The following ZCCHC24 variants were observed in gnomAD, a reference collection of about 807,000 sequenced individuals.
ZCCHC24 encodes zinc finger CCHC-type containing 24, also known as zinc finger CCHC domain-containing protein 24.
ZCCHC24 carries 10 observed loss-of-function variants against 26.2 expected under a neutral mutation model. The ratio of observed to expected loss-of-function variants is 0.38; its 90% CI spans 0.24 to 0.65. The LOEUF is 0.65. Ranked by LOEUF, ZCCHC24 falls within the 30% of genes least tolerant of loss-of-function variation. The pLI is 0.54. For synonymous variants in ZCCHC24, 144 were observed against 147.1 expected (o/e 0.98, Z 0.15); for missense variants, 243 against 329.1 (o/e 0.74, Z 2.03).
rs923059430 is a variant in ZCCHC24 at position 79,386,238 on chromosome 10, G to A, written c.*107C>T. ...CCCCGGCCCAGCCCCGCAGGCCTGC[G>A]AGGGCACCCCATGCACAGGGCGACA... On this transcript the variant is annotated 3_prime_UTR_variant, in exon 4 of 4. Coordinates refer to ENST00000372336, the MANE Select transcript of ZCCHC24 (RefSeq NM_153367.4). 29 of 1,057,174 alleles carry A rather than the reference G, an allele frequency of 2.7e-5. No homozygotes were observed. Among genetic ancestry groups the A allele is most frequent in the East Asian group, 2.6e-4 (10 of 38,594 alleles). The allele number at this position is 1,057,174 out of a possible 1,614,324, so 65.5% of individuals were successfully genotyped here.
intron 2 of ZCCHC24, among the ~76,000 whole-genome samples, chr10:79,420,908 G>A (rs1239429307): frequency 6.6e-6 from 1 of 152,204 alleles, no homozygotes; most frequent in Admixed American, 6.5e-5. Context: ...AACATCCCAT[G>A]AAGTAGGATG....
intron 2 of ZCCHC24, among the ~76,000 whole-genome samples, chr10:79,408,086 C>T (rs1192277940): frequency 6.6e-6 from 1 of 152,194 alleles, no homozygotes; most frequent in East Asian, 1.9e-4. Flanking sequence ...CTCCTGCCCC[C>T]ACCTCCACCA....
chr10:79,424,031 A>AG (rs59782743), intron 2 of ZCCHC24, among the ~76,000 whole-genome samples: 18,392 of 149,252 alleles, frequency 0.12, 1,236 homozygotes, highest in East Asian at 0.16. Context: ...AAAAAAAAAA[A>AG]AAAAGAAAAG....
chr10:79,405,453 G>A (rs10740502), intron 2 of ZCCHC24, among the ~76,000 whole-genome samples: 77,148 of 151,786 alleles, frequency 0.51, 21,395 homozygotes, highest in East Asian at 0.85. Context: ...GGTGGAGGTC[G>A]CACAGGTAGG....
chr10:79,392,701 A>G (rs1311400513), intron 3 of ZCCHC24, among the ~76,000 whole-genome samples: 1 of 152,200 alleles, frequency 6.6e-6, no homozygotes, highest in African/African-American at 2.4e-5. Flanking sequence ...TTCCCTCTGC[A>G]GCCAGATCCA....
intron 1 of ZCCHC24, among the ~76,000 whole-genome samples, chr10:79,444,403 C>T (rs952173872): frequency 1.3e-5 from 2 of 152,196 alleles, no homozygotes; most frequent in Admixed American, 6.5e-5. Context: ...CTGAATCCAC[C>T]AAACAGGCAG....
intron 2 of ZCCHC24, among the ~76,000 whole-genome samples, chr10:79,432,179 C>T (rs942119038): frequency 2.0e-5 from 3 of 152,200 alleles, no homozygotes; most frequent in Admixed American, 6.5e-5. Flanking sequence ...ATTCCTTCCC[C>T]GTGAATGTGA....
chr10:79,433,194 G>A (rs1015945901), intron 1 of ZCCHC24, among the ~76,000 whole-genome samples: 3 of 152,198 alleles, frequency 2.0e-5, no homozygotes, highest in Non-Finnish European at 2.9e-5. Context: ...AACTGGTGGG[G>A]TGACTTTAGG....
At chr10:79,412,007 A>C (rs1856800571) in intron 2 of ZCCHC24, among the ~76,000 whole-genome samples, 1 of 152,182 alleles carries the variant, frequency 6.6e-6, no homozygotes, top group Non-Finnish European at 1.5e-5. Flanking sequence ...AGAAGGCCAG[A>C]ATCTCGCGAG....
intron 2 of ZCCHC24, among the ~76,000 whole-genome samples, chr10:79,432,222 C>T (rs1186471518): frequency 6.6e-6 from 1 of 152,242 alleles, no homozygotes; most frequent in Admixed American, 6.5e-5. Flanking sequence ...TGTGAGGAGA[C>T]TGCCCCCTCA....
At chr10:79,421,594 T>C (rs1856937942) in intron 2 of ZCCHC24, among the ~76,000 whole-genome samples, 1 of 152,200 alleles carries the variant, frequency 6.6e-6, no homozygotes, top group South Asian at 2.1e-4. Flanking sequence ...GTGTTACCTT[T>C]CTGCCCCTCC....
chr10:79,428,239 A>G (rs758108219), intron 2 of ZCCHC24, among the ~76,000 whole-genome samples: 4 of 152,234 alleles, frequency 2.6e-5, no homozygotes, highest in Non-Finnish European at 4.4e-5. Flanking sequence ...ACTTGAGGAA[A>G]TTATGCTAAG....
chr10:79,416,976 C>A (rs559695554), intron 2 of ZCCHC24, among the ~76,000 whole-genome samples: 2 of 152,200 alleles, frequency 1.3e-5, no homozygotes, highest in African/African-American at 2.4e-5. Context: ...GTGGGCACCA[C>A]GGCAGACACT....
Position 79,386,152 on chromosome 10 carries a change from G to A in ZCCHC24, c.*193C>T, listed in dbSNP as rs1268004121. On this transcript the variant is annotated 3_prime_UTR_variant, in exon 4 of 4. Transcript: ENST00000372336. Reference sequence around the variant, plus strand: ...AGACTCCCTGCTTTCCCTGGCCTGTGGGGGGCAGCAATGTCAGTAACACTG... The same window carrying A: ...AGACTCCCTGCTTTCCCTGGCCTGTAGGGGGCAGCAATGTCAGTAACACTG... The A allele has an allele frequency of 3.3e-6, 2 of 609,404 alleles. No homozygotes were observed. Among genetic ancestry groups the A allele is most frequent in the South Asian group, 2.0e-5 (1 of 50,252 alleles). The allele number at this position is 609,404 out of a possible 1,614,324, so 37.7% of individuals were successfully genotyped here.
At position 79,383,713 on chromosome 10, in the gene ZCCHC24, A is replaced by G. The variant is rs1225717107; in HGVS notation, c.*2632T>C. On this transcript the variant is annotated 3_prime_UTR_variant, in exon 4 of 4. Transcript: ENST00000372336. ...AGATTTTTTCGGGAAAAGCTACCAA[A>G]TTCAGTGTTGTGAGAAAAACTGGTA... The G allele has an allele frequency of 9.2e-5, 14 of 152,516 alleles. No homozygotes were observed. Among genetic ancestry groups the G allele is most frequent in the Non-Finnish European group, 2.1e-4 (14 of 68,026 alleles). The allele number at this position is 152,516 out of a possible 1,614,324, so 9.4% of individuals were successfully genotyped here.
chr10:79,406,791 C>A (rs564790934), intron 2 of ZCCHC24, among the ~76,000 whole-genome samples: 1 of 152,238 alleles, frequency 6.6e-6, no homozygotes, highest in South Asian at 2.1e-4. Context: ...ACTGCTGCAA[C>A]GCCGCATGCC....
At chr10:79,388,223 C>T (rs757848853) in intron 3 of ZCCHC24, among the ~76,000 whole-genome samples, 2 of 152,078 alleles carry the variant, frequency 1.3e-5, no homozygotes, top group Non-Finnish European at 2.9e-5. Context: ...ACAAACAGCC[C>T]GGCATGCAGA....
chr10:79,414,765 C>T (rs912528394), intron 2 of ZCCHC24, among the ~76,000 whole-genome samples: 2 of 152,144 alleles, frequency 1.3e-5, no homozygotes, highest in African/African-American at 4.8e-5. Flanking sequence ...CCAGGCCCAC[C>T]CTGGATCTAC....
chr10:79,396,513 G>A (rs1022773223), intron 2 of ZCCHC24, among the ~76,000 whole-genome samples: 9 of 152,276 alleles, frequency 5.9e-5, no homozygotes, highest in Admixed American at 2.6e-4. Context: ...CTGAATTTAC[G>A]TTCTCTACTA....
Sources: gnomAD v4.1 joint callset for allele counts (sites outside exome capture counted in the v4.1 genomes callset) on GRCh38, gnomAD v4.1.1 for gene constraint, MANE v1.5 for transcripts, NCBI Gene and HGNC (gene_info 2026-07-23, HGNC 2026-07-21) for gene names.